The following UTRN variants were observed in gnomAD, a reference collection of about 807,000 sequenced individuals.
UTRN encodes the protein utrophin, also known as dystrophin-related protein 1.
UTRN carries 283 observed loss-of-function variants against 463.9 expected under a neutral mutation model. The observed-to-expected ratio is 0.61, with a 90% CI of 0.55 to 0.67. UTRN has a LOEUF of 0.67. UTRN is among the 30% of genes least tolerant of loss of function. The pLI is 0.00. For synonymous variants in UTRN, 1,442 were observed against 1,431.5 expected (o/e 1.01, Z -0.17); for missense variants, 3,922 against 4,084.3 (o/e 0.96, Z 1.08).
chr6:144,804,049 G>A (rs946425160), intron 65 of UTRN, among the ~76,000 whole-genome samples: 1 of 152,016 alleles, frequency 6.6e-6, no homozygotes, highest in Non-Finnish European at 1.5e-5. Context: ...TTATCCTCAT[G>A]TTCTATTAAT....
intron 65 of UTRN, among the ~76,000 whole-genome samples, chr6:144,804,788 T>G (rs1161422679): frequency 6.6e-6 from 1 of 152,180 alleles, no homozygotes; most frequent in Non-Finnish European, 1.5e-5. Context: ...TCCTGAGTTG[T>G]TGGAGATACA....
At chr6:144,840,363 C>G (rs1260196488) in intron 72 of UTRN, among the ~76,000 whole-genome samples, 2 of 151,876 alleles carry the variant, frequency 1.3e-5, no homozygotes, top group Non-Finnish European at 2.9e-5. Context: ...GAAAGGAGGA[C>G]AGAAAAAGAA....
At position 144,801,342 on chromosome 6, in the gene UTRN, C is replaced by A. The variant is rs1777680725; in HGVS notation, c.9246-1694C>A. Among the ~76,000 whole-genome samples, 3 of 151,786 alleles carry A rather than the reference C, an allele frequency of 2.0e-5. No homozygotes were observed. In the East Asian group the frequency reaches 5.8e-4, roughly 29 times the overall value. ...GAAGGGAATGAATATAAGAACAATTCCAATAGTAAAATGGGGTCCAGTTGG... is the reference window on the plus strand; with the variant it reads ...GAAGGGAATGAATATAAGAACAATTACAATAGTAAAATGGGGTCCAGTTGG... On this transcript the variant is annotated intron_variant, in intron 64 of 74. Transcript: ENST00000367545.
intron 23 of UTRN, among the ~76,000 whole-genome samples, chr6:144,470,619 C>T (rs530031904): frequency 5.3e-4 from 80 of 152,012 alleles, no homozygotes; most frequent in South Asian, 2.7e-3. Flanking sequence ...ACTTCTTAGA[C>T]GGGGTGGCGG....
At chr6:144,532,208 A>C (rs373592957) in intron 42 of UTRN, among the ~76,000 whole-genome samples, 5 of 152,306 alleles carry the variant, frequency 3.3e-5, no homozygotes, top group African/African-American at 1.2e-4. Context: ...TAAGTGTTTA[A>C]ATTTGACTTG....
At chr6:144,704,396 C>T (rs1784872764) in intron 53 of UTRN, among the ~76,000 whole-genome samples, 1 of 152,080 alleles carries the variant, frequency 6.6e-6, no homozygotes, top group Non-Finnish European at 1.5e-5. Context: ...TAAATTAGTA[C>T]TCGGTATAGA....
rs530669637 is a variant in UTRN, at chr6:144,461,869, A to G, written c.2853+527A>G. On this transcript the variant is annotated intron_variant, in intron 22 of 74. Transcript: ENST00000367545. ...AGCTTTAATTTTTATGATTATGCCT[A>G]TTTTTTTCATGAGTTTTTCATGTTT... is the stretch of plus-strand genomic sequence containing the variant. Among the ~76,000 whole-genome samples, 241 of 151,974 alleles carry G rather than the reference A, an allele frequency of 1.6e-3. 2 individuals are homozygous for G. The highest frequency in any genetic ancestry group is 5.5e-3 in the African/African-American group (228 of 41,440).
chr6:144,447,042 G>A (rs1394801594), intron 14 of UTRN, among the ~76,000 whole-genome samples, 169 bp from the exon 15 acceptor site: 1 of 152,132 alleles, frequency 6.6e-6, no homozygotes, highest in Non-Finnish European at 1.5e-5. Context: ...TTAAAGAAAG[G>A]TATCTTTCTG....
chr6:144,627,988 A>G (rs896897182), intron 51 of UTRN, among the ~76,000 whole-genome samples: 3 of 151,756 alleles, frequency 2.0e-5, no homozygotes, highest in Non-Finnish European at 4.4e-5. Context: ...TTTAGTAGAG[A>G]CGGGGTTTCA....
At chr6:144,660,346 T>C (rs1230385444) in intron 51 of UTRN, 19 of 467,972 alleles carry the variant, frequency 4.1e-5, no homozygotes, top group Non-Finnish European at 8.8e-6. Context: ...ACTATACATT[T>C]AGATAGATGC....
At chr6:144,306,060 C>G (rs147806761) in intron 2 of UTRN, among the ~76,000 whole-genome samples, 2 of 152,206 alleles carry the variant, frequency 1.3e-5, no homozygotes, top group Non-Finnish European at 2.9e-5. Flanking sequence ...ATACCTCACA[C>G]CCTGCACACA....
chr6:144,581,747 T>C (rs565286161), intron 51 of UTRN, among the ~76,000 whole-genome samples: 18 of 152,294 alleles, frequency 1.2e-4, no homozygotes, highest in African/African-American at 4.1e-4. Flanking sequence ...AATTCATTTG[T>C]TTCTAGTCTA....
At chr6:144,481,025 A>G (rs917755942) in intron 26 of UTRN, among the ~76,000 whole-genome samples, 2 of 152,166 alleles carry the variant, frequency 1.3e-5, no homozygotes, top group African/African-American at 4.8e-5. Flanking sequence ...GAATTGTCTC[A>G]TTTATTGTCT....
chr6:144,320,918 C>G (rs1294028710), intron 2 of UTRN, among the ~76,000 whole-genome samples: 4 of 152,056 alleles, frequency 2.6e-5, no homozygotes, highest in African/African-American at 9.7e-5. Flanking sequence ...ATTGTCTTTC[C>G]CTGCTAATGG....
At chr6:144,382,438 A>G (rs1231134234) in intron 2 of UTRN, among the ~76,000 whole-genome samples, 1 of 152,194 alleles carries the variant, frequency 6.6e-6, no homozygotes, top group Non-Finnish European at 1.5e-5. Context: ...AGGAGTCTGT[A>G]TTCTAAGACA....
chr6:144,700,344 C>A, intron 53 of UTRN, 101 bp downstream of exon 53: 2 of 1,291,012 alleles, frequency 1.5e-6, no homozygotes, highest in Non-Finnish European at 1.0e-6. Flanking sequence ...CCAATTATCA[C>A]AGGATTCCCC....
chr6:144,806,264 T>A (rs1371391767), intron 65 of UTRN, among the ~76,000 whole-genome samples: 6 of 152,174 alleles, frequency 3.9e-5, no homozygotes, highest in Admixed American at 2.0e-4. Flanking sequence ...AAATGAAATC[T>A]GTAAGTTACC....
chr6:144,546,950 T>A (rs1798470026), intron 46 of UTRN, among the ~76,000 whole-genome samples: 1 of 152,274 alleles, frequency 6.6e-6, no homozygotes, highest in Non-Finnish European at 1.5e-5. Context: ...TTCTTATTTC[T>A]GCTTCTGCAT....
intron 51 of UTRN, among the ~76,000 whole-genome samples, chr6:144,610,669 G>GT (rs761557590): frequency 2.0e-5 from 3 of 152,182 alleles, no homozygotes; most frequent in Non-Finnish European, 2.9e-5. Flanking sequence ...AAGGTCAGGA[G>GT]TTTGAGACCA....
Sources: allele counts gnomAD v4.1 joint callset (sites outside exome capture counted in the v4.1 genomes callset), GRCh38; gene constraint gnomAD v4.1.1; transcripts MANE v1.5; gene names NCBI Gene and HGNC (gene_info 2026-07-23, HGNC 2026-07-21).